RGL4: variants seen among roughly 807,000 people sequenced by gnomAD.
RGL4 encodes ral guanine nucleotide dissociation stimulator like 4, also known as ral-GDS-related protein.
A neutral mutation model predicts 49.6 loss-of-function variants in RGL4; 41 were observed. The ratio of observed to expected loss-of-function variants is 0.83; its 90% CI spans 0.64 to 1.07. The LOEUF (loss-of-function observed/expected upper bound fraction) is 1.07. Ranked by LOEUF, RGL4 falls within the 50% of genes least tolerant of loss-of-function variation. The pLI is 0.00. For synonymous variants in RGL4, 255 were observed against 238.0 expected, an observed-to-expected ratio of 1.07 and a Z score of -0.66; for missense variants, 610 against 591.9, an observed-to-expected ratio of 1.03 and a Z score of -0.32.
Position 23,693,877 on chromosome 22 carries a change from G to A in RGL4, c.815G>A (p.Arg272Lys), listed in dbSNP as rs150140416. ...TVRATIAHFNRLTNCITTSCL... is the reference protein window; with the variant it reads ...TVRATIAHFNKLTNCITTSCL... ...CGTGCCACCATCGCACACTTCAACA[G>A]GCTCACCAACTGCATCACCACCTCC... The change falls in exon 4 of 11, where the codon AGG (arginine) becomes AAG (lysine). Residue 272 changes from arginine to lysine, a missense_variant. Transcript: ENST00000290691. 83 of 1,613,888 alleles carry A rather than the reference G, an allele frequency of 5.1e-5. No homozygotes were observed. Among genetic ancestry groups the A allele is most frequent in the Non-Finnish European group, 5.8e-5 (68 of 1,180,042 alleles).
chr22:23,696,570 G>C, intron 6 of RGL4, 44 bp from the exon 7 acceptor site: 14 of 1,612,930 alleles, frequency 8.7e-6, no homozygotes, highest in Non-Finnish European at 9.3e-6. Context: ...GTAACTGGGG[G>C]AGAGGAGGAG....
At chr22:23,693,451 C>T (rs191538367) in intron 3 of RGL4, among the ~76,000 whole-genome samples, 11 of 152,244 alleles carry the variant, frequency 7.2e-5, no homozygotes, top group Admixed American at 3.3e-4. Flanking sequence ...GGGAGGAAGA[C>T]GAGGCCTCAG....
intron 10 of RGL4, 100 bp downstream of exon 10, chr22:23,698,433 C>T (rs771054182): frequency 1.5e-6 from 2 of 1,369,818 alleles, no homozygotes; most frequent in African/African-American, 2.8e-5. Flanking sequence ...GCAGTGTCAC[C>T]ATCTCTGTTC....
Position 23,699,122 on chromosome 22 carries a change from T to G in RGL4, c.*239T>G. 1.3e-6 allele frequency: 2 copies of G among 1,491,122 alleles called. No individual in the cohort carries two copies. The highest frequency in any genetic ancestry group is 1.8e-6 in the Non-Finnish European group (2 of 1,125,012). The allele number at this position is 1,491,122 out of a possible 1,614,324, so 92.4% of individuals were successfully genotyped here. On this transcript the variant is annotated 3_prime_UTR_variant, in exon 11 of 11. Coordinates refer to ENST00000290691, the MANE Select transcript of RGL4 (RefSeq NM_153615.2). ...ATGTTTATTTTCTTTAGTGTATAAGTAAGGGTTTTTTCTTAACTTTCGTTA... is the reference window on the plus strand; with the variant it reads ...ATGTTTATTTTCTTTAGTGTATAAGGAAGGGTTTTTTCTTAACTTTCGTTA...
intron 9 of RGL4, 108 bp downstream of exon 9, chr22:23,697,969 G>C (rs1923621255): frequency 2.9e-6 from 4 of 1,386,536 alleles, no homozygotes; most frequent in Non-Finnish European, 4.0e-6. Context: ...AGGCTTACTG[G>C]GAGTGTTTGA....
chr22:23,694,649 A>G, intron 5 of RGL4, 199 bp downstream of exon 5: 2 of 604,246 alleles, frequency 3.3e-6, no homozygotes, highest in Non-Finnish European at 5.9e-6. Context: ...TTTTTTAACC[A>G]TCAGGAACAG....
At position 23,699,152 on chromosome 22, in the gene RGL4, A is replaced by G; in HGVS notation, c.*269A>G. 1.4e-6 allele frequency: 2 copies of G among 1,413,320 alleles called. No individual in the cohort carries two copies. The highest frequency in any genetic ancestry group is 1.9e-6 in the Non-Finnish European group (2 of 1,078,352). The allele number at this position is 1,413,320 out of a possible 1,614,324, so 87.5% of individuals were successfully genotyped here. On this transcript the variant is annotated 3_prime_UTR_variant, in exon 11 of 11. Transcript: ENST00000290691. Reference sequence around the variant, plus strand: ...GTTTTTTCTTAACTTTCGTTAAAATAAAATTTTAAAAAACTATTCAAAATG... The same window carrying G: ...GTTTTTTCTTAACTTTCGTTAAAATGAAATTTTAAAAAACTATTCAAAATG...
intron 10 of RGL4, 149 bp from the exon 11 acceptor site, chr22:23,698,695 C>T: frequency 9.4e-7 from 1 of 1,062,418 alleles, no homozygotes; most frequent in Non-Finnish European, 1.4e-6. Flanking sequence ...TGGCCAGCTG[C>T]AGAGAGCCTA....
intron 6 of RGL4, chr22:23,695,532 G>T: frequency 2.1e-6 from 1 of 468,870 alleles, no homozygotes; most frequent in East Asian, 7.1e-5. Context: ...GGGAGAGGGG[G>T]AACAACAACA....
chr22:23,691,772 C>G lies in RGL4; in HGVS notation c.-259C>G, dbSNP rs1032444798. The stretch of plus-strand genomic sequence containing the variant: ...TCTGGCTGGGGAGAGACTAAAGGAG[C>G]TCTGGGGCTCATACTTCTTATAATT... On this transcript the variant is annotated 5_prime_UTR_variant, in exon 1 of 11. Transcript: ENST00000290691. The G allele has an allele frequency of 2.1e-5, 9 of 429,330 alleles. No homozygotes were observed. The highest frequency in any genetic ancestry group is 1.4e-4 in the African/African-American group (7 of 51,188). The allele number at this position is 429,330 out of a possible 1,614,324, so 26.6% of individuals were successfully genotyped here.
chr22:23,694,986 A>C lies in RGL4; in HGVS notation c.1053A>C (p.Lys351Asn). 6.2e-7 allele frequency: 1 copy of C among 1,613,648 alleles called. No homozygotes were observed. Among genetic ancestry groups the C allele is most frequent in the Non-Finnish European group, 8.5e-7 (1 of 1,179,608 alleles). Residue 351 changes from lysine (K) to asparagine (N), a missense_variant, in exon 6 of 11, where the codon AAA (lysine) becomes AAC (asparagine). Physicochemically the swap from Lys to Asn is moderately conservative, Grantham distance 94 (BLOSUM62 0). Transcript: ENST00000290691. ...SMKELKELCKKDTAVKRDLLI... is the reference protein window; with the variant it reads ...SMKELKELCKNDTAVKRDLLI... The stretch of plus-strand genomic sequence containing the variant: ...AAGAGCTAAAAGAACTCTGCAAAAA[A>C]GACACTGCAGTGAAGAGGGACCTAC...
In RGL4 at chr22:23,692,010, G is replaced by A. The variant is rs866123898; in HGVS notation, c.-21G>A. ...CTTCCCTCCTAACCCCAGGACCAGG[G>A]GACCCAGATCTGGAGCTTTGATGAG... On this transcript the variant is annotated 5_prime_UTR_variant, in exon 1 of 11. Coordinates refer to ENST00000290691, the MANE Select transcript of RGL4 (RefSeq NM_153615.2). The A allele has an allele frequency of 2.5e-6, 4 of 1,610,532 alleles. No homozygotes were observed. The highest frequency in any genetic ancestry group is 1.3e-5 in the African/African-American group (1 of 74,944).
chr22:23,698,041 C>A, intron 9 of RGL4, 171 bp from the exon 10 acceptor site: 1 of 1,160,058 alleles, frequency 8.6e-7, no homozygotes, highest in Non-Finnish European at 1.2e-6. Flanking sequence ...AATCAAAGAC[C>A]AATTCCTGCA....
chr22:23,696,319 C>A, intron 6 of RGL4: 1 of 1,332,088 alleles, frequency 7.5e-7, no homozygotes, highest in Admixed American at 3.1e-5. Flanking sequence ...GTGCCTGGTT[C>A]TTCCTCAGAG....
At chr22:23,692,565 T>A in intron 2 of RGL4, 37 bp downstream of exon 2, 1 of 1,592,848 alleles carries the variant, frequency 6.3e-7, no homozygotes, top group Non-Finnish European at 8.6e-7. Context: ...TTTCCGGGGG[T>A]GGTGTTTTGG....
intron 5 of RGL4, 166 bp from the exon 6 acceptor site, chr22:23,694,784 T>G: frequency 3.1e-6 from 2 of 649,660 alleles, no homozygotes; most frequent in Non-Finnish European, 5.5e-6. Context: ...GGGAGGAGCA[T>G]GAGAGGTCCC....
chr22:23,698,966 T>C lies in RGL4; in HGVS notation c.*83T>C, dbSNP rs1474983056. ...TCTGCACCATCCCTCACCCAGACCGTAGACACCAGGGAACCACATCTAGGA... is the reference window on the plus strand; with the variant it reads ...TCTGCACCATCCCTCACCCAGACCGCAGACACCAGGGAACCACATCTAGGA... On this transcript the variant is annotated 3_prime_UTR_variant, in exon 11 of 11. Transcript: ENST00000290691. The C allele has an allele frequency of 1.9e-6, 3 of 1,575,644 alleles. No individual in the cohort carries two copies. The highest frequency in any genetic ancestry group is 2.3e-5 in the East Asian group (1 of 43,158).
chr22:23,695,276 G>A (rs892376321), intron 6 of RGL4: 8 of 477,002 alleles, frequency 1.7e-5, no homozygotes, highest in Non-Finnish European at 2.3e-5. Flanking sequence ...GGGCTGCTGG[G>A]CTGCTGAGCA....
intron 3 of RGL4, 50 bp downstream of exon 3, chr22:23,693,041 A>C (rs770641174): frequency 1.1e-4 from 165 of 1,521,428 alleles, no homozygotes; most frequent in Admixed American, 1.0e-3. Flanking sequence ...GCTGTCTCAG[A>C]CCAGCCTCTC....
Sources: gnomAD v4.1 joint callset for allele counts (sites outside exome capture counted in the v4.1 genomes callset) on GRCh38, gnomAD v4.1.1 for gene constraint, MANE v1.5 for transcripts, NCBI Gene and HGNC (gene_info 2026-07-23, HGNC 2026-07-21) for gene names.